The following FAM168A variants were observed in gnomAD, a reference collection of about 807,000 sequenced individuals.
FAM168A encodes the protein family with sequence similarity 168 member A.
Under a neutral mutation model 28.5 loss-of-function variants are expected in FAM168A, and 3 were observed. That is an observed-to-expected ratio of 0.11 (90% CI 0.05 to 0.27). FAM168A has a LOEUF of 0.27. Among genes scored for constraint, FAM168A ranks in the 10% least tolerant of loss-of-function variants. The probability of loss-of-function intolerance (pLI) is 1.00; values close to 1 mark genes in which losing one functional copy is unlikely to be tolerated. For missense variants in FAM168A, 222 were observed against 311.5 expected (o/e 0.71, Z 2.16); for synonymous variants, 122 against 124.2 (o/e 0.98, Z 0.12).
intron 1 of FAM168A, among the ~76,000 whole-genome samples, chr11:73,578,915 G>C (rs1171111638): frequency 6.6e-6 from 1 of 152,132 alleles, no homozygotes; most frequent in African/African-American, 2.4e-5. Context: ...GTCAGCTCAG[G>C]CTGCTGTGTA....
chr11:73,583,279 G>A (rs1467019249), intron 1 of FAM168A, among the ~76,000 whole-genome samples: 4 of 151,946 alleles, frequency 2.6e-5, no homozygotes, highest in African/African-American at 9.7e-5. Context: ...CTCCAGCCTG[G>A]GTGACAGAGC....
intron 1 of FAM168A, among the ~76,000 whole-genome samples, chr11:73,520,509 G>A (rs1380047436): frequency 1.3e-5 from 2 of 152,170 alleles, no homozygotes; most frequent in African/African-American, 4.8e-5. Context: ...AGGAACATAT[G>A]GTTTGAAGGC....
At chr11:73,542,351 T>C (rs1261509222) in intron 1 of FAM168A, among the ~76,000 whole-genome samples, 1 of 152,224 alleles carries the variant, frequency 6.6e-6, no homozygotes, top group Non-Finnish European at 1.5e-5. Flanking sequence ...CCCAACTCTA[T>C]AAGTGGCAAT....
At chr11:73,535,749 G>A (rs1347776954) in intron 1 of FAM168A, among the ~76,000 whole-genome samples, 4 of 143,512 alleles carry the variant, frequency 2.8e-5, no homozygotes, top group Non-Finnish European at 4.5e-5. Flanking sequence ...TTTGAGAGAT[G>A]GGGGTATCAC....
intron 3 of FAM168A, among the ~76,000 whole-genome samples, chr11:73,428,684 T>G (rs1866931555): frequency 6.6e-6 from 1 of 152,254 alleles, no homozygotes; most frequent in Non-Finnish European, 1.5e-5. Context: ...AATTTGATTA[T>G]CAGAGAGAAT....
At chr11:73,581,918 C>G (rs1944252443) in intron 1 of FAM168A, among the ~76,000 whole-genome samples, 1 of 151,984 alleles carries the variant, frequency 6.6e-6, no homozygotes, top group East Asian at 2.0e-4. Context: ...GAGGTTTCAC[C>G]ACGTTGGCCA....
Position 73,447,699 on chromosome 11 carries a change from A to AT in FAM168A, c.71-16930dup, listed in dbSNP as rs796128037. Among the ~76,000 whole-genome samples, 699 of 143,388 alleles carry AT rather than the reference A, an allele frequency of 4.9e-3. 5 individuals carry two copies. The highest frequency in any genetic ancestry group is 0.015 in the African/African-American group (598 of 39,150). The allele number at this position is 143,388 out of a possible 152,430, so 94.1% of individuals were successfully genotyped here. On this transcript the variant is annotated intron_variant, in intron 2 of 7. Coordinates refer to ENST00000356467, the MANE Select transcript of FAM168A (RefSeq NM_015159.3). ...GCTTGGGCTCTCACTGCCCAAACCTATTTTTTTTTTTCAGTCTTTCTCCCT... is the reference window on the plus strand; with the variant it reads ...GCTTGGGCTCTCACTGCCCAAACCTATTTTTTTTTTTTCAGTCTTTCTCCCT...
At chr11:73,489,971 T>A (rs1018988365) in intron 1 of FAM168A, among the ~76,000 whole-genome samples, 3 of 152,150 alleles carry the variant, frequency 2.0e-5, no homozygotes, top group Admixed American at 6.5e-5. Context: ...AAAGTCTCCA[T>A]ACACTCTCAA....
Position 73,574,231 on chromosome 11 carries a change from A to G in FAM168A, c.-19+23692T>C, listed in dbSNP as rs1262370111. 5.9e-5 allele frequency among the ~76,000 whole-genome samples: 9 copies of G among 152,182 alleles called. No homozygotes were observed. The East Asian group carries it at 9.6e-4, about 16-fold the overall frequency. ...TTTCCAATTTAAAAGGCATTTTCACATTCATTATCTCATTTGATCTTCACA... is the reference window on the plus strand; with the variant it reads ...TTTCCAATTTAAAAGGCATTTTCACGTTCATTATCTCATTTGATCTTCACA... On this transcript the variant is annotated intron_variant, in intron 1 of 7. Transcript: ENST00000356467.
At chr11:73,435,261 C>G (rs931614519) in intron 2 of FAM168A, among the ~76,000 whole-genome samples, 5 of 152,218 alleles carry the variant, frequency 3.3e-5, no homozygotes, top group Non-Finnish European at 7.3e-5. Flanking sequence ...AGGTGTGCTA[C>G]TTCTCAAGAA....
intron 2 of FAM168A, among the ~76,000 whole-genome samples, chr11:73,467,450 C>T (rs905847295): frequency 3.3e-5 from 5 of 151,870 alleles, no homozygotes; most frequent in Admixed American, 6.6e-5. Context: ...AACACATTAC[C>T]GAGTCCTACT....
At chr11:73,477,441 A>T (rs1338348533) in intron 1 of FAM168A, among the ~76,000 whole-genome samples, 1 of 152,172 alleles carries the variant, frequency 6.6e-6, no homozygotes, top group East Asian at 1.9e-4. Flanking sequence ...AAAACTTCCC[A>T]AATTTGATTA....
intron 2 of FAM168A, among the ~76,000 whole-genome samples, chr11:73,433,485 T>TA (rs1867033688): frequency 6.6e-6 from 1 of 152,160 alleles, no homozygotes; most frequent in Admixed American, 6.5e-5. Flanking sequence ...GATTGACCCT[T>TA]ACGTTTTCTT....
intron 1 of FAM168A, among the ~76,000 whole-genome samples, chr11:73,502,445 G>GAAGA (rs1229796415): frequency 4.6e-5 from 7 of 152,098 alleles, no homozygotes; most frequent in African/African-American, 1.7e-4. Flanking sequence ...ACTAAACCAG[G>GAAGA]AAGAACTCAG....
At chr11:73,544,663 A>ATT (rs1168712798) in intron 1 of FAM168A, among the ~76,000 whole-genome samples, 3 of 128,996 alleles carry the variant, frequency 2.3e-5, no homozygotes, top group African/African-American at 6.3e-5. Flanking sequence ...AATTACATAT[A>ATT]TTATATATAA....
chr11:73,443,652 A>T (rs1867245437), intron 2 of FAM168A, among the ~76,000 whole-genome samples: 1 of 152,170 alleles, frequency 6.6e-6, no homozygotes, highest in Admixed American at 6.5e-5. Flanking sequence ...GACAACCTGT[A>T]GTGTTATGCA....
chr11:73,430,277 G>GGTGT (rs35239246), intron 3 of FAM168A: 9,397 of 174,958 alleles, frequency 0.054, 778 homozygotes, highest in African/African-American at 0.19. Context: ...TGTGTCCCAA[G>GGTGT]GTGTGTGTGT....
rs182790653 is a variant in FAM168A at position 73,454,075 on chromosome 11, T to C, written c.70+14330A>G. On this transcript the variant is annotated intron_variant, in intron 2 of 7. Coordinates refer to ENST00000356467, the MANE Select transcript of FAM168A (RefSeq NM_015159.3). ...TCAGAAGCTCCAGAGAAAGAAGCCC[T>C]GGACTGTCACTGTAGGAGAGGGCGC... Among the ~76,000 whole-genome samples, 3 of 152,292 alleles carry C rather than the reference T, an allele frequency of 2.0e-5. No homozygotes were observed. The East Asian group carries it at 5.8e-4, about 29-fold the overall frequency.
In FAM168A at chr11:73,420,017, G is replaced by C; in HGVS notation, c.152-18C>G. 1 of 1,612,500 alleles carries C rather than the reference G, an allele frequency of 6.2e-7. No homozygotes were observed. The highest frequency in any genetic ancestry group is 8.5e-7 in the Non-Finnish European group (1 of 1,179,032). On this transcript the variant is annotated intron_variant, in intron 3 of 7. Transcript: ENST00000356467. Reference sequence around the variant, plus strand: ...CAGAGTTGCTTAAGGGAAGACACAAGAATGGCATTAGACAGAAATAAGAAG... The same window carrying C: ...CAGAGTTGCTTAAGGGAAGACACAACAATGGCATTAGACAGAAATAAGAAG...
Sources: allele counts gnomAD v4.1 joint callset (sites outside exome capture counted in the v4.1 genomes callset), GRCh38; gene constraint gnomAD v4.1.1; transcripts MANE v1.5; gene names NCBI Gene and HGNC (gene_info 2026-07-23, HGNC 2026-07-21).